Variants in SOS2 observed in about 807,000 individuals in gnomAD.
SOS2 encodes the protein SOS Ras/Rho guanine nucleotide exchange factor 2.
SOS2 carries 65 observed loss-of-function variants against 148.2 expected under a neutral mutation model. The observed-to-expected ratio is 0.44, with a 90% CI of 0.36 to 0.54. SOS2 has a LOEUF of 0.54. Among genes scored for constraint, SOS2 ranks in the 20% least tolerant of loss-of-function variants. The pLI, the probability that SOS2 is intolerant of heterozygous loss-of-function variation, is 0.00. For synonymous variants in SOS2, 539 were observed against 537.1 expected (o/e 1.00, Z -0.05); for missense variants, 1,341 against 1,590.2 (o/e 0.84, Z 2.67).
chr14:50,214,538 G>A (rs927493732), intron 1 of SOS2, among the ~76,000 whole-genome samples: 5 of 152,008 alleles, frequency 3.3e-5, no homozygotes, highest in South Asian at 2.1e-4. Context: ...ATTTAACTAG[G>A]CGTAGTGGGG....
Position 50,149,989 on chromosome 14 carries a change from A to G in SOS2, c.2384+19T>C. The G allele has an allele frequency of 1.4e-6, 2 of 1,476,490 alleles. No homozygotes were observed. Among genetic ancestry groups the G allele is most frequent in the Non-Finnish European group, 1.9e-6 (2 of 1,055,186 alleles). The allele number at this position is 1,476,490 out of a possible 1,614,324, so 91.5% of individuals were successfully genotyped here. ...AAGATTCTTAAAAATAAAGCAAGAC[A>G]TTAACATTAATTGTCTACCTGTAAA... On this transcript the variant is annotated intron_variant, in intron 14 of 22. Coordinates refer to ENST00000216373, the MANE Select transcript of SOS2 (RefSeq NM_006939.4).
At chr14:50,157,230 T>C in intron 11 of SOS2, 109 bp from the exon 12 acceptor site, 1 of 1,251,892 alleles carries the variant, frequency 8.0e-7, no homozygotes, top group Non-Finnish European at 1.1e-6. Context: ...AGTGGATTAC[T>C]GTTAAACTTC....
intron 14 of SOS2, among the ~76,000 whole-genome samples, chr14:50,148,844 T>C (rs1884575674): frequency 1.3e-5 from 2 of 152,196 alleles, no homozygotes; most frequent in Non-Finnish European, 2.9e-5. Context: ...ATTCTTGCTT[T>C]TCCCTGTGTA....
chr14:50,226,758 A>G (rs1204434886), intron 1 of SOS2, among the ~76,000 whole-genome samples: 1 of 152,230 alleles, frequency 6.6e-6, no homozygotes, highest in East Asian at 1.9e-4. Flanking sequence ...AACACCTTAC[A>G]GAAAAGACAT....
At chr14:50,206,009 AGTT>A (rs1886648880) in intron 1 of SOS2, among the ~76,000 whole-genome samples, 1 of 150,936 alleles carries the variant, frequency 6.6e-6, no homozygotes, top group Admixed American at 6.6e-5. Context: ...TTCTAATATT[AGTT>A]ATTTGTGTAT....
chr14:50,163,702 T>C (rs1051226988), intron 8 of SOS2, among the ~76,000 whole-genome samples: 2 of 152,224 alleles, frequency 1.3e-5, no homozygotes, highest in Admixed American at 6.5e-5. Flanking sequence ...AAAGATTTCT[T>C]ACAGAAAGTC....
Position 50,199,688 on chromosome 14 carries a change from T to A in SOS2, c.510+3A>T. 1.3e-6 allele frequency: 2 copies of A among 1,573,136 alleles called. No individual in the cohort carries two copies. Among genetic ancestry groups the A allele is most frequent in the Non-Finnish European group, 1.7e-6 (2 of 1,156,112 alleles). On this transcript the variant is annotated splice_donor_region_variant and intron_variant, in intron 4 of 22. Coordinates refer to ENST00000216373, the MANE Select transcript of SOS2 (RefSeq NM_006939.4). ...TTAAATTTAAATACCTTGTAACACT[T>A]ACCTTATCCGCACACATTGACACTT...
At chr14:50,187,731 T>G (rs1337256279) in intron 5 of SOS2, among the ~76,000 whole-genome samples, 2 of 152,220 alleles carry the variant, frequency 1.3e-5, no homozygotes, top group East Asian at 1.9e-4. Flanking sequence ...AAAAAAACTT[T>G]TTTGTTTGTT....
At position 50,214,197 on chromosome 14, in the gene SOS2, T is replaced by C. The variant is rs913497439; in HGVS notation, c.88-9788A>G. On this transcript the variant is annotated intron_variant, in intron 1 of 22. Coordinates refer to ENST00000216373, the MANE Select transcript of SOS2 (RefSeq NM_006939.4). ...AAACTAATTGATAAAGAAAAATAATTTTGAATTGGGGAATGGGGAAGTGGA... is the reference window on the plus strand; with the variant it reads ...AAACTAATTGATAAAGAAAAATAATCTTGAATTGGGGAATGGGGAAGTGGA... Among the ~76,000 whole-genome samples, 3 of 151,998 alleles carry C rather than the reference T, an allele frequency of 2.0e-5. No individual in the cohort carries two copies. The East Asian group carries it at 5.8e-4, about 29-fold the overall frequency.
chr14:50,127,451 T>C (rs1316540442), intron 21 of SOS2, among the ~76,000 whole-genome samples: 1 of 152,112 alleles, frequency 6.6e-6, no homozygotes, highest in East Asian at 1.9e-4. Flanking sequence ...CCAGATCATG[T>C]TTTTATAACA....
At chr14:50,225,294 G>A (rs1330810055) in intron 1 of SOS2, among the ~76,000 whole-genome samples, 1 of 152,144 alleles carries the variant, frequency 6.6e-6, no homozygotes, top group East Asian at 1.9e-4. Flanking sequence ...TTTTTAACAT[G>A]AGATAATGCT....
chr14:50,192,936 A>G (rs1457414524), intron 4 of SOS2, among the ~76,000 whole-genome samples: 1 of 152,134 alleles, frequency 6.6e-6, no homozygotes, highest in Non-Finnish European at 1.5e-5. Context: ...AACTGCTAGT[A>G]TATCTAGATC....
chr14:50,224,364 C>CACACACACAT (rs1339727223), intron 1 of SOS2, among the ~76,000 whole-genome samples: 5 of 109,316 alleles, frequency 4.6e-5, no homozygotes, highest in Admixed American at 9.1e-5. Context: ...CACACACACA[C>CACACACACAT]ATATATATAA....
At chr14:50,120,736 CTTTTTTT>C (rs34012845) in intron 21 of SOS2, among the ~76,000 whole-genome samples, 1 of 107,500 alleles carries the variant, frequency 9.3e-6, no homozygotes, top group Non-Finnish European at 1.7e-5. Flanking sequence ...AATCAGAGAC[CTTTTTTT>C]TTTTTTTTTT....
intron 8 of SOS2, among the ~76,000 whole-genome samples, chr14:50,162,130 T>C (rs946635181): frequency 6.6e-6 from 1 of 151,962 alleles, no homozygotes; most frequent in African/African-American, 2.4e-5. Context: ...AAAGCAACTG[T>C]AAAAACCATT....
intron 1 of SOS2, among the ~76,000 whole-genome samples, chr14:50,223,599 T>C (rs1595038199): frequency 6.6e-6 from 1 of 151,872 alleles, no homozygotes; most frequent in East Asian, 1.9e-4. Flanking sequence ...CACTTGAACC[T>C]GAGAGGTGGA....
intron 18 of SOS2, among the ~76,000 whole-genome samples, chr14:50,135,022 G>A (rs573612298): frequency 7.6e-6 from 1 of 131,266 alleles, no homozygotes; most frequent in Non-Finnish European, 1.5e-5. Flanking sequence ...GAGGTGAACC[G>A]AGATCACACC....
At chr14:50,203,865 C>T (rs1289412002) in intron 2 of SOS2, among the ~76,000 whole-genome samples, 4 of 151,216 alleles carry the variant, frequency 2.6e-5, no homozygotes, top group South Asian at 4.2e-4. Context: ...TGTGAGCCAC[C>T]GCACCTGGCC....
chr14:50,217,375 T>C (rs896568913), intron 1 of SOS2, among the ~76,000 whole-genome samples: 3 of 152,112 alleles, frequency 2.0e-5, no homozygotes, highest in African/African-American at 2.4e-5. Context: ...AAATGAGTCA[T>C]AGATATAAAT....
Sources: allele counts gnomAD v4.1 joint callset (sites outside exome capture counted in the v4.1 genomes callset), GRCh38; gene constraint gnomAD v4.1.1; transcripts MANE v1.5; gene names NCBI Gene and HGNC (gene_info 2026-07-23, HGNC 2026-07-21).